Variants in ZNF180 observed in about 807,000 individuals in gnomAD.
ZNF180 encodes the protein zinc finger protein 180 (HHZ168).
Under a neutral mutation model 11.8 loss-of-function variants are expected in ZNF180, and 11 were observed. That is an observed-to-expected ratio of 0.93 (90% CI 0.59 to 1.55). ZNF180 has a LOEUF of 1.55. Ranked by LOEUF, ZNF180 falls within the 40% of genes most tolerant of loss-of-function variation. The pLI is 0.00. For synonymous variants in ZNF180, 287 were observed against 257.7 expected (o/e 1.11, Z -1.09); for missense variants, 773 against 781.7 (o/e 0.99, Z 0.13).
chr19:44,482,243 G>A (rs1970100517), intron 3 of ZNF180, among the ~76,000 whole-genome samples: 1 of 152,168 alleles, frequency 6.6e-6, no homozygotes, highest in Non-Finnish European at 1.5e-5. Flanking sequence ...CGGAATTCAA[G>A]GCTGCAGTGA....
intron 2 of ZNF180, among the ~76,000 whole-genome samples, chr19:44,488,161 C>G: frequency 1.0e-5 from 1 of 98,662 alleles, no homozygotes; most frequent in Non-Finnish European, 2.1e-5. Context: ...CCCTCTCTTT[C>G]CACGGTCTCC....
intron 2 of ZNF180, among the ~76,000 whole-genome samples, chr19:44,492,660 TATAA>T (rs61266694): frequency 0.3 from 46,262 of 151,840 alleles, 7,785 homozygotes; most frequent in African/African-American, 0.43. Flanking sequence ...TTTGCTCACC[TATAA>T]ATAGAGATGA....
At chr19:44,486,640 A>G (rs1030922456) in intron 2 of ZNF180, among the ~76,000 whole-genome samples, 2 of 152,220 alleles carry the variant, frequency 1.3e-5, no homozygotes, top group Non-Finnish European at 2.9e-5. Flanking sequence ...GCAGCAGTTC[A>G]TACCTGTAAT....
chr19:44,499,974 A>C (rs1970699834), intron 1 of ZNF180, among the ~76,000 whole-genome samples: 1 of 152,132 alleles, frequency 6.6e-6, no homozygotes, highest in African/African-American at 2.4e-5. Flanking sequence ...GCATTGGAGG[A>C]GGGGAGTTCT....
In ZNF180 at chr19:44,481,480, T is replaced by C. The variant is rs142844527; in HGVS notation, c.127-2071A>G. 1.7e-4 allele frequency among the ~76,000 whole-genome samples: 26 copies of C among 152,326 alleles called. No homozygotes were observed. In the East Asian group the frequency reaches 4.2e-3, roughly 25 times the overall value. ...TTTTAATAAACACTCCCCCTTTCTG[T>C]GTAATATAGGTCTCTTTAGTATAAA... On this transcript the variant is annotated intron_variant, in intron 3 of 4. Coordinates refer to ENST00000592529, the MANE Select transcript of ZNF180 (RefSeq NM_001278509.3).
At chr19:44,494,667 T>C (rs1970534596) in intron 2 of ZNF180, among the ~76,000 whole-genome samples, 1 of 152,190 alleles carries the variant, frequency 6.6e-6, no homozygotes, top group African/African-American at 2.4e-5. Context: ...AGTGAGACCC[T>C]GTCTCTTAAA....
At chr19:44,481,498 A>T (rs1970079639) in intron 3 of ZNF180, among the ~76,000 whole-genome samples, 1 of 152,118 alleles carries the variant, frequency 6.6e-6, no homozygotes, top group African/African-American at 2.4e-5. Flanking sequence ...AGGTCTCTTT[A>T]GTATAAAGCT....
chr19:44,497,320 A>T lies in ZNF180; in HGVS notation c.15T>A (p.Asp5Glu). Reference sequence around the variant, plus strand: ...CCTTCGGGGGCTCTGGGGGCTTCTCATCCTGCTCTTCCATGCTCTCCTCCA... The same window carrying T: ...CCTTCGGGGGCTCTGGGGGCTTCTCTTCCTGCTCTTCCATGCTCTCCTCCA... MEEQ[D>E]EKPPEPPKVC... The change falls in exon 2 of 5, where the codon GAT becomes GAA. Residue 5 changes from aspartate to glutamate, a missense_variant. Asp to Glu is a conservative substitution (Grantham distance 45, BLOSUM62 2). Transcript: ENST00000592529. 6.3e-7 allele frequency: 1 copy of T among 1,596,526 alleles called. No individual in the cohort carries two copies. Among genetic ancestry groups the T allele is most frequent in the Non-Finnish European group, 8.5e-7 (1 of 1,174,274 alleles).
chr19:44,488,064 T>C (rs8104681), intron 2 of ZNF180, among the ~76,000 whole-genome samples: 13,719 of 108,144 alleles, frequency 0.13, 1,062 homozygotes, highest in East Asian at 0.45. Context: ...CCCTCGCCCT[T>C]GCCCTCTCCC....
At chr19:44,490,831 C>G (rs1179719442) in intron 2 of ZNF180, among the ~76,000 whole-genome samples, 2 of 152,184 alleles carry the variant, frequency 1.3e-5, no homozygotes, top group African/African-American at 2.4e-5. Flanking sequence ...GTTTTTAGCA[C>G]CTTTTTGTTT....
chr19:44,492,905 A>G (rs1224792530), intron 2 of ZNF180, among the ~76,000 whole-genome samples: 1 of 152,150 alleles, frequency 6.6e-6, no homozygotes, highest in African/African-American at 2.4e-5. Context: ...TGGAGCTCAC[A>G]TTTCAGCTCA....
chr19:44,489,696 C>T (rs1043924996), intron 2 of ZNF180, among the ~76,000 whole-genome samples: 4 of 137,226 alleles, frequency 2.9e-5, no homozygotes, highest in African/African-American at 1.1e-4. Context: ...TATGACCCTG[C>T]CAAATCCCCC....
rs1437957280 is a variant in ZNF180 at position 44,476,976 on chromosome 19, A to C, written c.1424T>G (p.Phe475Cys). 8 of 1,613,936 alleles carry C rather than the reference A, an allele frequency of 5.0e-6. No individual in the cohort carries two copies. The Admixed American group carries it at 8.3e-5, about 17-fold the overall frequency. The change falls in exon 5 of 5, where the codon TTT (phenylalanine) becomes TGT (cysteine). Residue 475 changes from phenylalanine (F) to cysteine (C), a missense_variant. By Grantham distance (205) the Phe-to-Cys change is radical. Coordinates refer to ENST00000592529, the MANE Select transcript of ZNF180 (RefSeq NM_001278509.3). The part of the protein sequence containing the change: ...PYECNQCGKS[F>C]SQSYKLVAHQ... The stretch of plus-strand genomic sequence containing the variant: ...AGCAACAAGTTTATAACTTTGACTA[A>C]AGGATTTCCCACACTGATTGCATTC...
chr19:44,498,007 A>G (rs1339522942), intron 1 of ZNF180, among the ~76,000 whole-genome samples: 1 of 152,122 alleles, frequency 6.6e-6, no homozygotes, highest in Non-Finnish European at 1.5e-5. Flanking sequence ...GAGCTCAGCT[A>G]TACCCACATC....
chr19:44,497,579 A>T (rs534949468), intron 1 of ZNF180, among the ~76,000 whole-genome samples: 133 of 152,148 alleles, frequency 8.7e-4, no homozygotes, highest in Non-Finnish European at 1.1e-3. Flanking sequence ...AAGTTTCTGC[A>T]GCTCCAACCT....
At chr19:44,481,920 C>T (rs1179902245) in intron 3 of ZNF180, among the ~76,000 whole-genome samples, 1 of 152,160 alleles carries the variant, frequency 6.6e-6, no homozygotes, top group African/African-American at 2.4e-5. Flanking sequence ...ACTTCTATCC[C>T]ACTTATTCTA....
chr19:44,479,511 T>TG (rs35167767), intron 3 of ZNF180, 102 bp from the exon 4 acceptor site: 833,394 of 1,515,522 alleles, frequency 0.55, 234,072 homozygotes, highest in South Asian at 0.69. Flanking sequence ...ATTGGTGACC[T>TG]GGGAGTTGTC....
Position 44,500,311 on chromosome 19 carries a change from G to T in ZNF180, c.-80C>A, listed in dbSNP as rs1970719061. On this transcript the variant is annotated 5_prime_UTR_variant, in exon 1 of 5. Coordinates refer to ENST00000592529, the MANE Select transcript of ZNF180 (RefSeq NM_001278509.3). Reference sequence around the variant, plus strand: ...CTGGCCCGCAGCCCAGGCTGGGCCTGTCACCGCCTCAGTGCCTAGCACGGC... The same window carrying T: ...CTGGCCCGCAGCCCAGGCTGGGCCTTTCACCGCCTCAGTGCCTAGCACGGC... 1 of 1,594,700 alleles carries T rather than the reference G, an allele frequency of 6.3e-7. No individual in the cohort carries two copies. The highest frequency in any genetic ancestry group is 1.7e-5 in the Admixed American group (1 of 59,880).
rs919798243 is a variant in ZNF180 at position 44,476,715 on chromosome 19, C to T, written c.1685G>A (p.Ser562Asn). The T allele has an allele frequency of 1.1e-5, 17 of 1,614,102 alleles. No individual in the cohort carries two copies. The highest frequency in any genetic ancestry group is 1.4e-5 in the Non-Finnish European group (17 of 1,180,038). Residue 562 changes from serine (S) to asparagine (N), a missense_variant, in exon 5 of 5, where the codon AGT becomes AAT. Coordinates refer to ENST00000592529, the MANE Select transcript of ZNF180 (RefSeq NM_001278509.3). The stretch of plus-strand genomic sequence containing the variant: ...TCTCTGATGTACAACAAGAACATAA[C>T]TCTGGCTGAAGGATTTCCCACACTG... ...CNQCGKSFSQ[S>N]YVLVVHQRTH...
Sources: allele counts gnomAD v4.1 joint callset (sites outside exome capture counted in the v4.1 genomes callset), GRCh38; gene constraint gnomAD v4.1.1; transcripts MANE v1.5; gene names NCBI Gene and HGNC (gene_info 2026-07-23, HGNC 2026-07-21).